The following USP9Y variants were observed in gnomAD, a reference collection of about 807,000 sequenced individuals.
USP9Y encodes ubiquitin carboxyl-terminal hydrolase 9Y.
In USP9Y, 41 loss-of-function variants were observed where a neutral mutation model predicts 53.1. The ratio of observed to expected loss-of-function variants is 0.77; its 90% confidence interval spans 0.60 to 1.00. The LOEUF (loss-of-function observed/expected upper bound fraction) is 1.00, where lower values mean the gene tolerates loss of function less well. Among genes scored for constraint, USP9Y ranks in the 50% least tolerant of loss-of-function variants. The pLI, the probability that USP9Y is intolerant of heterozygous loss-of-function variation, is 0.00. For synonymous variants in USP9Y, 220 were observed against 173.7 expected (o/e 1.27, Z -2.09); for missense variants, 567 against 535.8 (o/e 1.06, Z -0.58).
At chrY:12,730,062 C>G (rs2053445980) in intron 7 of USP9Y, among the ~76,000 whole-genome samples, 1 of 31,628 alleles carries the variant, frequency 3.2e-5, no homozygotes, top group Non-Finnish European at 7.6e-5. Flanking sequence ...TCAAGCTGTT[C>G]TCCTGCTGTG....
intron 33 of USP9Y, among the ~76,000 whole-genome samples, chrY:12,832,081 G>A: frequency 3.0e-5 from 1 of 33,026 alleles, no homozygotes; most frequent in Admixed American, 2.8e-4. Flanking sequence ...ACTTACATGA[G>A]GTTGTATTTA....
intron 33 of USP9Y, among the ~76,000 whole-genome samples, chrY:12,820,538 C>T (rs2053540543): frequency 3.0e-5 from 1 of 33,861 alleles, no homozygotes; most frequent in Non-Finnish European, 7.4e-5. Flanking sequence ...ATTATAAGTA[C>T]GATATGCATA....
rs1409990961 is a variant in USP9Y, at chrY:12,793,085, A to G, written c.3867A>G (p.Glu1289=). 1 of 399,034 alleles carries G rather than the reference A, an allele frequency of 2.5e-6. No individual in the cohort carries two copies. Among genetic ancestry groups the G allele is most frequent in the African/African-American group, 6.1e-5 (1 of 16,386 alleles). ...TGGAAGATGAACAAGTTTGCTGTGAAGCACTGGAAGTGATGACCTTATGTT... is the reference window on the plus strand; with the variant it reads ...TGGAAGATGAACAAGTTTGCTGTGAGGCACTGGAAGTGATGACCTTATGTT... ...LEVEDEQVCC[E]ALEVMTLCFA... The change falls in exon 27 of 46, where the codon GAA becomes GAG. Residue 1289 remains glutamate (E), a synonymous_variant. Transcript: ENST00000338981.
chrY:12,813,839 G>A (rs540066481), intron 31 of USP9Y, among the ~76,000 whole-genome samples: 3 of 33,820 alleles, frequency 8.9e-5, no homozygotes, highest in African/African-American at 2.3e-4. Flanking sequence ...CTTTTGAGAC[G>A]AAGTCTCACT....
rs768645206 is a variant in USP9Y at position 12,726,797 on chromosome Y, C to T, written c.657+4C>T. 26 of 389,343 alleles carry T rather than the reference C, an allele frequency of 6.7e-5. No homozygotes were observed. The highest frequency in any genetic ancestry group is 1.3e-4 in the African/African-American group (2 of 15,635). On this transcript the variant is annotated splice_donor_region_variant and intron_variant, in intron 7 of 45. Transcript: ENST00000338981. ...TTCAGATCCTCGATCACCAAAAGTG[C>T]GTTGGTTTGTTATTTTCAAGATTAA...
chrY:12,730,639 T>C (rs2053446495), intron 7 of USP9Y, among the ~76,000 whole-genome samples: 1 of 32,001 alleles, frequency 3.1e-5, no homozygotes, highest in Non-Finnish European at 7.6e-5. Flanking sequence ...TGTACCACCA[T>C]GCCCTGCTAA....
At chrY:12,745,002 G>T in intron 12 of USP9Y, among the ~76,000 whole-genome samples, 1 of 33,797 alleles carries the variant, frequency 3.0e-5, no homozygotes, top group African/African-American at 1.2e-4. Context: ...CCTGTGAGCT[G>T]CAGCCAGAGA....
intron 33 of USP9Y, among the ~76,000 whole-genome samples, chrY:12,830,365 A>C (rs376995384): frequency 1.2e-4 from 4 of 33,429 alleles, no homozygotes; most frequent in African/African-American, 4.6e-4. Flanking sequence ...ATACTAGCAA[A>C]CCCAATTTAG....
At chrY:12,756,051 C>T (rs2053468139) in intron 12 of USP9Y, among the ~76,000 whole-genome samples, 4 of 32,963 alleles carry the variant, frequency 1.2e-4, no homozygotes, top group Non-Finnish European at 7.4e-5. Flanking sequence ...GATGAAAGTT[C>T]TGATTCTCTT....
chrY:12,812,580 G>T (rs2053532059), intron 30 of USP9Y, among the ~76,000 whole-genome samples: 1 of 33,575 alleles, frequency 3.0e-5, no homozygotes, highest in Non-Finnish European at 7.4e-5. Context: ...TCTGATTAAA[G>T]AAATAAATTT....
Position 12,856,740 on chromosome Y carries a change from G to C in USP9Y, c.7329G>C (p.Trp2443Cys). Residue 2443 changes from tryptophan (W) to cysteine (C), a missense_variant, in exon 44 of 46, where the codon TGG becomes TGC. By Grantham distance (215) the Trp-to-Cys change is radical. Coordinates refer to ENST00000338981, the MANE Select transcript of USP9Y (RefSeq NM_004654.4). Reference protein sequence around the residue: ...TGNPQYSYNNWSPPVQSNETA... With the variant: ...TGNPQYSYNNCSPPVQSNETA... The stretch of plus-strand genomic sequence containing the variant: ...ATCCTCAGTATAGTTACAACAATTG[G>C]TCTCCTCCAGTACAAAGCAATGAAA... 1 of 396,358 alleles carries C rather than the reference G, an allele frequency of 2.5e-6. No homozygotes were observed. The highest frequency in any genetic ancestry group is 3.5e-6 in the Non-Finnish European group (1 of 282,189).
intron 15 of USP9Y, among the ~76,000 whole-genome samples, chrY:12,770,122 T>A (rs2053484467): frequency 3.0e-5 from 1 of 33,699 alleles, no homozygotes; most frequent in Non-Finnish European, 7.4e-5. Context: ...GTTTAAAATG[T>A]ATTTACAGGT....
intron 32 of USP9Y, among the ~76,000 whole-genome samples, chrY:12,816,632 A>G: frequency 2.9e-5 from 1 of 34,168 alleles, no homozygotes; most frequent in Non-Finnish European, 7.3e-5. Flanking sequence ...TGATGAATCT[A>G]TTTATTTTTA....
chrY:12,855,558 A>C, intron 42 of USP9Y, among the ~76,000 whole-genome samples: 1 of 33,592 alleles, frequency 3.0e-5, no homozygotes, highest in Non-Finnish European at 7.4e-5. Context: ...AACAGGGAAG[A>C]GTTGGCTATG....
intron 7 of USP9Y, among the ~76,000 whole-genome samples, chrY:12,731,039 G>A (rs2053446771): frequency 3.1e-5 from 1 of 32,533 alleles, no homozygotes; most frequent in Non-Finnish European, 7.5e-5. Flanking sequence ...CAGACATGTT[G>A]TGATTCTTCT....
At chrY:12,749,935 A>C in intron 12 of USP9Y, among the ~76,000 whole-genome samples, 1 of 33,792 alleles carries the variant, frequency 3.0e-5, no homozygotes, top group South Asian at 6.5e-4. Flanking sequence ...TTTTGCAAAG[A>C]CATTAGCTGG....
intron 7 of USP9Y, among the ~76,000 whole-genome samples, chrY:12,733,279 A>C (rs2053448642): frequency 3.4e-5 from 1 of 29,391 alleles, no homozygotes. Flanking sequence ...CTGTCCTTGG[A>C]CAGAAAAAAA....
chrY:12,734,787 T>C, intron 7 of USP9Y, among the ~76,000 whole-genome samples: 1 of 33,183 alleles, frequency 3.0e-5, no homozygotes, highest in Non-Finnish European at 7.4e-5. Flanking sequence ...ATTGGTAGTA[T>C]GGTCAGACAT....
intron 27 of USP9Y, among the ~76,000 whole-genome samples, chrY:12,797,830 G>C: frequency 6.0e-5 from 2 of 33,198 alleles, no homozygotes; most frequent in African/African-American, 2.4e-4. Flanking sequence ...AGTAAGTCAC[G>C]ATATATAGGG....
Sources: allele counts gnomAD v4.1 joint callset (sites outside exome capture counted in the v4.1 genomes callset), GRCh38; gene constraint gnomAD v4.1.1; transcripts MANE v1.5; gene names NCBI Gene and HGNC (gene_info 2026-07-23, HGNC 2026-07-21).